CCDC87: variants seen among roughly 807,000 people sequenced by gnomAD.
CCDC87 encodes coiled-coil domain containing 87.
For synonymous variants in CCDC87, 434 were observed against 440.2 expected, an observed-to-expected ratio of 0.99 and a Z score of 0.18; for missense variants, 1,072 against 1,041.7, an observed-to-expected ratio of 1.03 and a Z score of -0.40.
At position 66,590,480 on chromosome 11, in the gene CCDC87, C is replaced by T; in HGVS notation, c.2536G>A (p.Ala846Thr). 1 of 1,609,208 alleles carries T rather than the reference C, an allele frequency of 6.2e-7. No homozygotes were observed. The highest frequency in any genetic ancestry group is 1.1e-5 in the South Asian group (1 of 90,418). The change falls in exon 1 of 1, where the codon GCA (alanine) becomes ACA (threonine). Residue 846 changes from alanine (A) to threonine (T), a missense_variant. Ala to Thr is a moderately conservative substitution (Grantham distance 58, BLOSUM62 0). Transcript: ENST00000333861. Reference protein sequence around the residue: ...PHQSTLFRSSAASL With the variant: ...PHQSTLFRSSTASL ...CCCAGGAGCTACTAAAGGCTGGCTG[C>T]TGAGCTCCTGAACAGGGTTGACTGG...
chr11:66,592,243 A>G lies in CCDC87; in HGVS notation c.773T>C (p.Leu258Ser), dbSNP rs780284264. The change falls in exon 1 of 1, where the codon TTG (leucine) becomes TCG (serine). Residue 258 changes from leucine (L) to serine (S), a missense_variant. Leu to Ser is a moderately radical substitution (Grantham distance 145, BLOSUM62 -2). Transcript: ENST00000333861. ...PVKELKSIPR[L>S]KRKKPFHWLP... ...CCAGTGGAAAGGCTTTTTCCTCTTC[A>G]ACCGAGGGATGGACTTCAATTCCTT... 5 of 1,613,694 alleles carry G rather than the reference A, an allele frequency of 3.1e-6. No individual in the cohort carries two copies. Among genetic ancestry groups the G allele is most frequent in the Non-Finnish European group, 4.2e-6 (5 of 1,179,830 alleles).
rs1590825654 is a variant in CCDC87 at position 66,592,017 on chromosome 11, G to A, written c.999C>T (p.Arg333=). The A allele has an allele frequency of 6.2e-7, 1 of 1,613,934 alleles. No individual in the cohort carries two copies. Among genetic ancestry groups the A allele is most frequent in the Non-Finnish European group, 8.5e-7 (1 of 1,180,010 alleles). ...TAGCCAAGACCAGCGGGGTTAAGGG[G>A]CGAGATGGGAGTGGAGGAAGGCCCA... ...DELGLPPLPS[R]PLTPLVLATE... Residue 333 remains arginine, a synonymous_variant, in exon 1 of 1, where the codon CGC becomes CGT. Coordinates refer to ENST00000333861, the MANE Select transcript of CCDC87 (RefSeq NM_018219.3).
At position 66,592,894 on chromosome 11, in the gene CCDC87, T is replaced by G. The variant is rs1489728364; in HGVS notation, c.122A>C (p.Glu41Ala). The change falls in exon 1 of 1, where the codon GAG becomes GCG. Residue 41 changes from glutamate (E) to alanine (A), a missense_variant. Coordinates refer to ENST00000333861, the MANE Select transcript of CCDC87 (RefSeq NM_018219.3). The part of the protein sequence containing the change: ...SPEPQKRPPQ[E>A]GRILQSFPLA... ...AGGGAAGGACTGCAGAATCCGGCCC[T>G]CCTGCGGGGGGCGCTTCTGAGGCTC... The G allele has an allele frequency of 1.3e-6, 2 of 1,536,448 alleles. No homozygotes were observed. Among genetic ancestry groups the G allele is most frequent in the Non-Finnish European group, 1.7e-6 (2 of 1,143,674 alleles).
chr11:66,591,902 G>C lies in CCDC87; in HGVS notation c.1114C>G (p.Pro372Ala), dbSNP rs1858369245. 2.4e-5 allele frequency: 38 copies of C among 1,613,936 alleles called. No individual in the cohort carries two copies. The highest frequency in any genetic ancestry group is 3.1e-5 in the Non-Finnish European group (37 of 1,180,012). The change falls in exon 1 of 1, where the codon CCA becomes GCA. Residue 372 changes from proline (P) to alanine (A), a missense_variant. Physicochemically the swap from Pro to Ala is conservative, Grantham distance 27 (BLOSUM62 -1). Coordinates refer to ENST00000333861, the MANE Select transcript of CCDC87 (RefSeq NM_018219.3). ...GGAGGCAGGCCTGAGTCCAGTGGTGGGTAGCGAGTCCCCTCCAACTTCATC... is the reference window on the plus strand; with the variant it reads ...GGAGGCAGGCCTGAGTCCAGTGGTGCGTAGCGAGTCCCCTCCAACTTCATC... ...KKMKLEGTRY[P>A]PLDSGLPPLL... is the part of the protein sequence containing the mutation.
chr11:66,592,052 C>G lies in CCDC87; in HGVS notation c.964G>C (p.Ala322Pro), dbSNP rs375046198. The stretch of plus-strand genomic sequence containing the variant: ...AGTGGAGGAAGGCCCAACTCATCTG[C>G]CAGCCTCCAGCCCTCACGCAGGGAG... ...MPSLREGWRL[A>P]DELGLPPLPS... The change falls in exon 1 of 1, where the codon GCA becomes CCA. Residue 322 changes from alanine to proline, a missense_variant. Transcript: ENST00000333861. The G allele has an allele frequency of 3.7e-5, 60 of 1,612,490 alleles. No individual in the cohort carries two copies. Among genetic ancestry groups the G allele is most frequent in the Non-Finnish European group, 5.0e-5 (59 of 1,179,292 alleles).
Position 66,590,742 on chromosome 11 carries a change from G to A in CCDC87, c.2274C>T (p.Ser758=). ...GATTCTCCTCCAGGAAGTGACTGGA[G>A]CTCAAGTTGGTCTTTTTGAAGAAGC... ...PNRFFKKTNL[S]SSHFLEENQV... Residue 758 remains serine (S), a synonymous_variant, in exon 1 of 1, where the codon AGC becomes AGT. Transcript: ENST00000333861. 2 of 1,613,236 alleles carry A rather than the reference G, an allele frequency of 1.2e-6. No homozygotes were observed. Among genetic ancestry groups the A allele is most frequent in the African/African-American group, 1.3e-5 (1 of 75,062 alleles).
chr11:66,590,422 C>T lies in CCDC87; in HGVS notation c.*44G>A. ...TAGGGGTGAGGGAGGCATTTGAGGG[C>T]ACTGGGCCTGGTCAAGGAGTAATAG... On this transcript the variant is annotated 3_prime_UTR_variant, in exon 1 of 1. Coordinates refer to ENST00000333861, the MANE Select transcript of CCDC87 (RefSeq NM_018219.3). 1 of 1,470,556 alleles carries T rather than the reference C, an allele frequency of 6.8e-7. No homozygotes were observed. The highest frequency in any genetic ancestry group is 9.3e-7 in the Non-Finnish European group (1 of 1,079,590). 91.1% of individuals were successfully genotyped at this position (1,470,556 alleles called of 1,614,324 possible). A position where few individuals can be genotyped will look rare whatever the true frequency, so the allele number is the denominator to read the frequency against.
rs1858340789 is a variant in CCDC87, at chr11:66,590,875, AGCT to A, written c.2138_2140del (p.Gln713del). ...CTCCCAGGCATTCACCAATGAAGGCAGCTGCCTCAGGCGGGCTTTGGAGCTATA... is the reference window on the plus strand; with the variant it reads ...CTCCCAGGCATTCACCAATGAAGGCAGCCTCAGGCGGGCTTTGGAGCTATA... On this transcript the variant is annotated inframe_deletion, in exon 1 of 1. Transcript: ENST00000333861. 6.2e-7 allele frequency: 1 copy of A among 1,613,972 alleles called. No homozygotes were observed. The highest frequency in any genetic ancestry group is 8.5e-7 in the Non-Finnish European group (1 of 1,180,052).
chr11:66,590,975 G>A lies in CCDC87; in HGVS notation c.2041C>T (p.Gln681Ter), dbSNP rs758782161. The A allele has an allele frequency of 2.5e-6, 4 of 1,613,700 alleles. No individual in the cohort carries two copies. In the East Asian group the frequency reaches 6.7e-5, roughly 27 times the overall value. The change falls in exon 1 of 1, where the codon CAG (glutamine) becomes TAG (stop). Residue 681 changes from glutamine to a stop codon, truncating the protein, a stop_gained. Transcript: ENST00000333861. LOFTEE classifies it low-confidence loss of function (END_TRUNC). The part of the protein sequence containing the change: ...LGEPHKILSL[Q>*]KHLEQLWSVL... The stretch of plus-strand genomic sequence containing the variant: ...GACCACAGTTGTTCCAGATGCTTCT[G>A]CAGGCTCAGAATTTTGTGGGGTTCT...
In CCDC87 at chr11:66,592,847, AC is replaced by A. The variant is rs1053955601; in HGVS notation, c.168del (p.Ser57ArgfsTer15). Reference sequence around the variant, plus strand: ...AGCTTGGCCACCTGGCTGCACAGCGACGCCACCGTCAGCTTCGCCAGAGGGA... The same window carrying A: ...AGCTTGGCCACCTGGCTGCACAGCGAGCCACCGTCAGCTTCGCCAGAGGGA... ...QSFPLAKLTV[A>X]SLCSQVAKLL... is the part of the protein sequence containing the mutation. On this transcript the variant is annotated frameshift_variant, in exon 1 of 1. Coordinates refer to ENST00000333861, the MANE Select transcript of CCDC87 (RefSeq NM_018219.3). LOFTEE classifies it low-confidence loss of function (END_TRUNC). 1.3e-5 allele frequency: 21 copies of A among 1,578,304 alleles called. No homozygotes were observed. Among genetic ancestry groups the A allele is most frequent in the Admixed American group, 3.7e-5 (2 of 54,318 alleles).
rs750886174 is a variant in CCDC87, at chr11:66,591,681, G to A, written c.1335C>T (p.Ala445=). 6.8e-6 allele frequency: 11 copies of A among 1,613,578 alleles called. No homozygotes were observed. The highest frequency in any genetic ancestry group is 6.6e-5 in the South Asian group (6 of 91,074). ...LRNEVVVQAA[A]VRVSDRNFLD... ...AGAAGTTTCTATCAGAGACCCGTACGGCAGCCGCCTGGACCACGACCTCAT... is the reference window on the plus strand; with the variant it reads ...AGAAGTTTCTATCAGAGACCCGTACAGCAGCCGCCTGGACCACGACCTCAT... Residue 445 remains alanine (A), a synonymous_variant, in exon 1 of 1, where the codon GCC becomes GCT. Transcript: ENST00000333861.
rs770022194 is a variant in CCDC87, at chr11:66,590,536, C to T, written c.2480G>A (p.Arg827His). The T allele has an allele frequency of 5.0e-5, 81 of 1,613,986 alleles. 1 individual carries two copies. The highest frequency in any genetic ancestry group is 3.3e-4 in the Middle Eastern group (2 of 6,062). The change falls in exon 1 of 1, where the codon CGC becomes CAC. Residue 827 changes from arginine to histidine, a missense_variant. Transcript: ENST00000333861. ...ATCCTTCAGGGCCGAGACCAGGTGG[C>T]GAACCCGCCGCTGCTGTTGCAGCCA... ...LYWLQQQRRV[R>H]HLVSALKDPH...
In CCDC87 at chr11:66,591,108, GT is replaced by G; in HGVS notation, c.1907del (p.His636ProfsTer6). ...APARESLEIQ[H>X]PPPLLEDEEP... The stretch of plus-strand genomic sequence containing the variant: ...CTTCATCTTCTAGCAATGGGGGAGG[GT>G]GCTGAATCTCTAGGGACTCTCTGGC... On this transcript the variant is annotated frameshift_variant, in exon 1 of 1. Coordinates refer to ENST00000333861, the MANE Select transcript of CCDC87 (RefSeq NM_018219.3). LOFTEE classifies it low-confidence loss of function (END_TRUNC). 2 of 1,614,150 alleles carry G rather than the reference GT, an allele frequency of 1.2e-6. No individual in the cohort carries two copies. The highest frequency in any genetic ancestry group is 1.7e-6 in the Non-Finnish European group (2 of 1,180,042).
rs752631966 is a variant in CCDC87 at position 66,592,208 on chromosome 11, T to C, written c.808A>G (p.Ile270Val). The change falls in exon 1 of 1, where the codon ATA becomes GTA. Residue 270 changes from isoleucine to valine, a missense_variant. Ile to Val is a conservative substitution (Grantham distance 29). Transcript: ENST00000333861. ...RKKPFHWLPS[I>V]GKKREIDISS... ...ATGTCGATTTCTCTCTTCTTTCCTA[T>C]GGAGGGCAGCCAGTGGAAAGGCTTT... The C allele has an allele frequency of 1.2e-6, 2 of 1,609,496 alleles. No homozygotes were observed. The highest frequency in any genetic ancestry group is 1.7e-6 in the Non-Finnish European group (2 of 1,177,780).
At position 66,591,815 on chromosome 11, in the gene CCDC87, T is replaced by A; in HGVS notation, c.1201A>T (p.Met401Leu). 2.5e-6 allele frequency: 4 copies of A among 1,613,436 alleles called. No homozygotes were observed. The highest frequency in any genetic ancestry group is 3.4e-6 in the Non-Finnish European group (4 of 1,179,818). ...AGHRLEELEK[M>L]LRNLQEEEAS... ...TCTTCCTCCTGGAGGTTCCTCAACA[T>A]CTTCTCCAGCTCCTCCAGGCGATGC... The change falls in exon 1 of 1, where the codon ATG becomes TTG. Residue 401 changes from methionine (M) to leucine (L), a missense_variant. Transcript: ENST00000333861.
In CCDC87 at chr11:66,593,051, C is replaced by T; in HGVS notation, c.-36G>A. On this transcript the variant is annotated 5_prime_UTR_variant, in exon 1 of 1. Coordinates refer to ENST00000333861, the MANE Select transcript of CCDC87 (RefSeq NM_018219.3). The stretch of plus-strand genomic sequence containing the variant: ...GCCGCCACCGTCCAGGAACAGAAAG[C>T]CGAGGGGTTACTAAGGCAACCAGGA... 1 of 1,501,784 alleles carries T rather than the reference C, an allele frequency of 6.7e-7. No homozygotes were observed. The highest frequency in any genetic ancestry group is 8.9e-7 in the Non-Finnish European group (1 of 1,127,244). The allele number at this position is 1,501,784 out of a possible 1,614,324, so 93.0% of individuals were successfully genotyped here.
Position 66,592,089 on chromosome 11 carries a change from G to A in CCDC87, c.927C>T (p.Gly309=), listed in dbSNP as rs1858376166. The change falls in exon 1 of 1, where the codon GGC becomes GGT. Residue 309 remains glycine (G), a synonymous_variant. Coordinates refer to ENST00000333861, the MANE Select transcript of CCDC87 (RefSeq NM_018219.3). ...CCTCACGCAGGGAGGGCATGGATTG[G>A]CCTCTCCGGAGCTCAGGGCAGAAAG... is the stretch of plus-strand genomic sequence containing the variant. ...PSPFCPELRR[G]QSMPSLREGW... The A allele has an allele frequency of 6.2e-7, 1 of 1,602,370 alleles. No homozygotes were observed. The highest frequency in any genetic ancestry group is 1.7e-5 in the Admixed American group (1 of 58,378).
rs141303580 is a variant in CCDC87 at position 66,591,630 on chromosome 11, G to C, written c.1386C>G (p.Ala462=). The C allele has an allele frequency of 1.1e-5, 17 of 1,613,822 alleles. 1 individual carries two copies. The South Asian group carries it at 1.9e-4, about 18-fold the overall frequency. ...CAGCCAGATGGTTATACAGGGCTCC[G>C]GCCCCCTCAATGTGGAAAGAGTCTA... ...NFLDSFHIEG[A]GALYNHLAGE... is the part of the protein sequence containing the mutation. The change falls in exon 1 of 1, where the codon GCC becomes GCG. Residue 462 remains alanine, a synonymous_variant. Transcript: ENST00000333861.
rs746251047 is a variant in CCDC87 at position 66,592,998 on chromosome 11, C to A, written c.18G>T (p.Lys6Asn). 4 of 1,513,620 alleles carry A rather than the reference C, an allele frequency of 2.6e-6. No individual in the cohort carries two copies. 93.8% of individuals were successfully genotyped at this position (1,513,620 alleles called of 1,614,324 possible). A position where few individuals can be genotyped will look rare whatever the true frequency, so the allele number is the denominator to read the frequency against. The stretch of plus-strand genomic sequence containing the variant: ...AAAACCGCTGGAGCTCAGGCTCGGG[C>A]TTCGGGGGCTCCATCATAGAGCCGG... MMEPP[K>N]PEPELQRFYH... Residue 6 changes from lysine to asparagine, a missense_variant, in exon 1 of 1, where the codon AAG (lysine) becomes AAT (asparagine). Coordinates refer to ENST00000333861, the MANE Select transcript of CCDC87 (RefSeq NM_018219.3).
Sources: allele counts gnomAD v4.1 joint callset, GRCh38; gene constraint gnomAD v4.1.1; transcripts MANE v1.5; gene names NCBI Gene and HGNC (gene_info 2026-07-23, HGNC 2026-07-21).